The following CNBD1 variants were observed in gnomAD, a reference collection of about 807,000 sequenced individuals.
CNBD1 encodes cyclic nucleotide-binding domain-containing protein 1.
CNBD1 carries 71 observed loss-of-function variants against 54.4 expected under a neutral mutation model. That is an observed-to-expected ratio of 1.30 (90% confidence interval 1.08 to 1.59). The LOEUF is 1.59. Among genes scored for constraint, CNBD1 ranks in the 40% most tolerant of loss-of-function variants. The probability of loss-of-function intolerance (pLI) is 0.00; values close to 1 mark genes in which losing one functional copy is unlikely to be tolerated. For synonymous variants in CNBD1, 182 were observed against 170.7 expected (o/e 1.07, Z -0.51); for missense variants, 659 against 518.0 (o/e 1.27, Z -2.64).
chr8:86,973,911 T>G (rs1808280936), intron 4 of CNBD1, among the ~76,000 whole-genome samples: 1 of 152,268 alleles, frequency 6.6e-6, no homozygotes, highest in African/African-American at 2.4e-5. Flanking sequence ...TTTGATTTTC[T>G]CCAGTGCTCA....
At chr8:86,912,882 G>A (rs1044125430) in intron 3 of CNBD1, among the ~76,000 whole-genome samples, 1 of 151,960 alleles carries the variant, frequency 6.6e-6, no homozygotes, top group Non-Finnish European at 1.5e-5. Context: ...TCCTGACCCT[G>A]TATAGGCCTA....
At chr8:87,331,060 T>A (rs553142247) in intron 8 of CNBD1, among the ~76,000 whole-genome samples, 1 of 152,268 alleles carries the variant, frequency 6.6e-6, no homozygotes, top group South Asian at 2.1e-4. Context: ...TTATTCTTTA[T>A]TTTTTTACTT....
At chr8:87,034,805 A>C (rs1489787269) in intron 4 of CNBD1, among the ~76,000 whole-genome samples, 1 of 152,160 alleles carries the variant, frequency 6.6e-6, no homozygotes. Flanking sequence ...TTTAAAACTC[A>C]TGTACAAGTG....
At chr8:87,200,775 C>T (rs1217503152) in intron 4 of CNBD1, among the ~76,000 whole-genome samples, 1 of 152,160 alleles carries the variant, frequency 6.6e-6, no homozygotes, top group Admixed American at 6.5e-5. Flanking sequence ...GAACACTTCT[C>T]ACAAAGCAAA....
chr8:87,347,198 G>C (rs777418739), intron 8 of CNBD1, among the ~76,000 whole-genome samples: 2 of 151,988 alleles, frequency 1.3e-5, no homozygotes, highest in Non-Finnish European at 2.9e-5. Context: ...TTGCTGTTCT[G>C]CCACCTCATA....
chr8:87,003,163 C>A (rs1809028611), intron 4 of CNBD1, among the ~76,000 whole-genome samples: 1 of 152,138 alleles, frequency 6.6e-6, no homozygotes, highest in South Asian at 2.1e-4. Context: ...TATTAAAAAT[C>A]TCATTGGTTA....
intron 4 of CNBD1, among the ~76,000 whole-genome samples, chr8:87,047,497 C>T (rs1418695706): frequency 6.6e-6 from 1 of 152,166 alleles, no homozygotes; most frequent in Non-Finnish European, 1.5e-5. Context: ...AAAAAGCATT[C>T]CTGCCTCTAA....
intron 3 of CNBD1, 95 bp from the exon 4 acceptor site, chr8:86,939,501 A>G: frequency 2.5e-6 from 2 of 804,764 alleles, no homozygotes; most frequent in Non-Finnish European, 1.8e-6. Flanking sequence ...TTTTCTCAAA[A>G]CAGTGCATTT....
At chr8:87,396,700 T>G (rs771765355) in intron 2 of CNBD1, among the ~76,000 whole-genome samples, 2 of 151,846 alleles carry the variant, frequency 1.3e-5, no homozygotes, top group Non-Finnish European at 2.9e-5. Context: ...CAATTCATAT[T>G]AATTTTATCA....
In CNBD1 at chr8:86,911,878, G is replaced by A. The variant is rs1198790806; in HGVS notation, c.272+6684G>A. 3.3e-5 allele frequency among the ~76,000 whole-genome samples: 5 copies of A among 152,118 alleles called. No homozygotes were observed. The East Asian group carries it at 5.8e-4, about 18-fold the overall frequency. On this transcript the variant is annotated intron_variant, in intron 3 of 10. Coordinates refer to ENST00000518476, the MANE Select transcript of CNBD1 (RefSeq NM_173538.3). Reference sequence around the variant, plus strand: ...CCCATTTACAATAGACACAAAAATTGTAAAATGCCTAGGAAAATATTTAAC... The same window carrying A: ...CCCATTTACAATAGACACAAAAATTATAAAATGCCTAGGAAAATATTTAAC...
At chr8:87,381,848 T>G (rs922950899) in intron 10 of CNBD1, among the ~76,000 whole-genome samples, 1 of 151,870 alleles carries the variant, frequency 6.6e-6, no homozygotes, top group African/African-American at 2.4e-5. Context: ...GGTTGAGGCA[T>G]GGGAAATGGG....
chr8:87,287,899 C>T (rs1327428571), intron 8 of CNBD1, among the ~76,000 whole-genome samples: 2 of 151,900 alleles, frequency 1.3e-5, no homozygotes, highest in East Asian at 3.9e-4. Flanking sequence ...CATGTTTAGT[C>T]AAATAACTAT....
intron 8 of CNBD1, among the ~76,000 whole-genome samples, chr8:87,312,490 C>T (rs1055153282): frequency 2.6e-5 from 4 of 152,020 alleles, no homozygotes; most frequent in African/African-American, 9.7e-5. Flanking sequence ...AGCTGATCTT[C>T]AGATCCTGTG....
At chr8:87,101,158 T>C (rs1811421727) in intron 4 of CNBD1, among the ~76,000 whole-genome samples, 1 of 152,208 alleles carries the variant, frequency 6.6e-6, no homozygotes. Context: ...TTATTAGGTG[T>C]AAAGTAGCTG....
chr8:86,932,364 AG>A (rs1436426539), intron 3 of CNBD1, among the ~76,000 whole-genome samples: 1 of 152,024 alleles, frequency 6.6e-6, no homozygotes, highest in Non-Finnish European at 1.5e-5. Context: ...CCGATAGCCC[AG>A]GGGGTTTTTT....
chr8:87,043,964 C>A (rs1810128261), intron 4 of CNBD1, among the ~76,000 whole-genome samples: 1 of 152,144 alleles, frequency 6.6e-6, no homozygotes, highest in Non-Finnish European at 1.5e-5. Flanking sequence ...CTACCTTGGA[C>A]TTTATTGCTT....
intron 8 of CNBD1, among the ~76,000 whole-genome samples, chr8:87,299,317 C>T (rs28568431): frequency 0.39 from 58,536 of 151,954 alleles, 11,535 homozygotes; most frequent in Middle Eastern, 0.45. Flanking sequence ...CTAGTCCCGA[C>T]GGTCTTGTTT....
chr8:86,904,336 C>T (rs1808983508), intron 2 of CNBD1, among the ~76,000 whole-genome samples: 1 of 152,002 alleles, frequency 6.6e-6, no homozygotes, highest in African/African-American at 2.4e-5. Flanking sequence ...ACCAACTTTT[C>T]ATGGTGTTGT....
chr8:87,194,119 T>A (rs546291738), intron 4 of CNBD1, among the ~76,000 whole-genome samples: 1 of 152,292 alleles, frequency 6.6e-6, no homozygotes, highest in African/African-American at 2.4e-5. Context: ...ATGTGTGCCT[T>A]ATGAGAATCT....
Sources: gnomAD v4.1 joint callset for allele counts (sites outside exome capture counted in the v4.1 genomes callset) on GRCh38, gnomAD v4.1.1 for gene constraint, MANE v1.5 for transcripts, NCBI Gene and HGNC (gene_info 2026-07-23, HGNC 2026-07-21) for gene names.